WRAP73: variants seen among roughly 807,000 people sequenced by gnomAD.
WRAP73 encodes WD repeat containing, antisense to TP73.
In WRAP73, 55 loss-of-function variants were observed where a neutral mutation model predicts 59.6. The observed-to-expected ratio is 0.92, with a 90% CI of 0.74 to 1.15. The LOEUF is 1.15. Ranked by LOEUF, WRAP73 falls within the 50% of genes most tolerant of loss-of-function variation. The probability of loss-of-function intolerance (pLI) is 0.00; values close to 1 mark genes in which losing one functional copy is unlikely to be tolerated. For missense variants in WRAP73, 592 were observed against 608.1 expected (o/e 0.97, Z 0.28); for synonymous variants, 265 against 258.2 (o/e 1.03, Z -0.25).
chr1:3,634,466 G>A (rs111683604), intron 8 of WRAP73: 5 of 172,388 alleles, frequency 2.9e-5, no homozygotes, highest in South Asian at 1.3e-4. Flanking sequence ...GGCCTGGAAC[G>A]CTCCCTCCCC....
At chr1:3,645,204 G>A (rs1005749453) in intron 3 of WRAP73, among the ~76,000 whole-genome samples, 2 of 152,244 alleles carry the variant, frequency 1.3e-5, no homozygotes, top group Non-Finnish European at 2.9e-5. Flanking sequence ...CTTTATCCCA[G>A]CCGATGCCAG....
Position 3,635,074 on chromosome 1 carries a change from C to A in WRAP73, c.739G>T (p.Val247Leu). The change falls in exon 8 of 12, where the codon GTG (valine) becomes TTG (leucine). Residue 247 changes from valine (V) to leucine (L), a missense_variant and splice_region_variant. Val to Leu is a conservative substitution (Grantham distance 32). Coordinates refer to ENST00000270708, the MANE Select transcript of WRAP73 (RefSeq NM_017818.4). ...FLAVGSYDGK[V>L]RILNHVTWKM... ...CAAGTCACGTGATTAAGGATGCGCA[C>A]CTGAGGAAGGAAACCATGCACAGGT... 6.2e-7 allele frequency: 1 copy of A among 1,614,190 alleles called. No homozygotes were observed. The highest frequency in any genetic ancestry group is 8.5e-7 in the Non-Finnish European group (1 of 1,180,044).
Position 3,630,910 on chromosome 1 carries a change from C to T in WRAP73, c.*65G>A. On this transcript the variant is annotated 3_prime_UTR_variant, in exon 12 of 12. Coordinates refer to ENST00000270708, the MANE Select transcript of WRAP73 (RefSeq NM_017818.4). The stretch of plus-strand genomic sequence containing the variant: ...CACAGTGGAGAACCTCCTGGTGAAG[C>T]TGTGTTTTTTCCCACACTGGAAACA... 1 of 1,559,932 alleles carries T rather than the reference C, an allele frequency of 6.4e-7. No homozygotes were observed. The highest frequency in any genetic ancestry group is 8.7e-7 in the Non-Finnish European group (1 of 1,149,798).
At position 3,632,083 on chromosome 1, in the gene WRAP73, T is replaced by A. The variant is rs896598241; in HGVS notation, c.1048+130A>T. ...AAGGAGCTTCTGTGAGCACCTCGGC[T>A]ACTGCAGAAACGTGAAAGGAGGTGA... On this transcript the variant is annotated intron_variant, in intron 10 of 11. Coordinates refer to ENST00000270708, the MANE Select transcript of WRAP73 (RefSeq NM_017818.4). The A allele has an allele frequency of 1.1e-5, 17 of 1,499,912 alleles. 1 individual carries two copies. The highest frequency in any genetic ancestry group is 6.9e-5 in the East Asian group (3 of 43,782). The allele number at this position is 1,499,912 out of a possible 1,614,324, so 92.9% of individuals were successfully genotyped here.
In WRAP73 at chr1:3,635,724, G is replaced by T; in HGVS notation, c.603+220C>A. On this transcript the variant is annotated intron_variant, in intron 6 of 11. Coordinates refer to ENST00000270708, the MANE Select transcript of WRAP73 (RefSeq NM_017818.4). Reference sequence around the variant, plus strand: ...TGGTCCCAGCTACTTGGGAGGCTGAGGTAGGAGGATCACTTGAGTCCAGGA... The same window carrying T: ...TGGTCCCAGCTACTTGGGAGGCTGATGTAGGAGGATCACTTGAGTCCAGGA... The T allele has an allele frequency of 5.5e-6, 3 of 542,640 alleles. No individual in the cohort carries two copies. In the South Asian group the frequency reaches 6.6e-5, roughly 12 times the overall value. The allele number at this position is 542,640 out of a possible 1,614,324, so 33.6% of individuals were successfully genotyped here.
intron 3 of WRAP73, 178 bp from the exon 4 acceptor site, chr1:3,639,000 G>A (rs1290958614): frequency 3.3e-6 from 2 of 606,830 alleles, no homozygotes; most frequent in East Asian, 3.0e-5. Context: ...TTTTACTGTG[G>A]TTACGGTAAA....
Position 3,646,946 on chromosome 1 carries a change from CA to C in WRAP73, c.223-165del, listed in dbSNP as rs1466477415. On this transcript the variant is annotated intron_variant, in intron 2 of 11. Transcript: ENST00000270708. This position sits in a 1 kb window ranked among gnomAD's most constrained non-coding sequence, Gnocchi z 5.1. Reference sequence around the variant, plus strand: ...CGCCGAGAGACAACTCCCTTAAAACCAGCAGAGACCCGATCACACAGGGTGT... The same window carrying C: ...CGCCGAGAGACAACTCCCTTAAAACCGCAGAGACCCGATCACACAGGGTGT... 4.0e-5 allele frequency among the ~76,000 whole-genome samples: 4 copies of C among 100,356 alleles called. No individual in the cohort carries two copies. The highest frequency in any genetic ancestry group is 9.4e-5 in the Admixed American group (1 of 10,636). The allele number at this position is 100,356 out of a possible 152,430, so 65.8% of individuals were successfully genotyped here.
chr1:3,649,192 A>G (rs964958240), intron 1 of WRAP73, among the ~76,000 whole-genome samples: 22 of 152,242 alleles, frequency 1.4e-4, no homozygotes, highest in African/African-American at 5.3e-4. Flanking sequence ...GCATCCAGGT[A>G]CATACACTAT....
At chr1:3,641,632 C>T (rs138394791) in intron 3 of WRAP73, among the ~76,000 whole-genome samples, 85 of 152,348 alleles carry the variant, frequency 5.6e-4, no homozygotes, top group African/African-American at 1.5e-3. Flanking sequence ...GAGCCCCATG[C>T]CACGGGCGAA....
At chr1:3,632,016 C>T (rs1312153567) in intron 10 of WRAP73, 197 bp downstream of exon 10, 31 of 1,462,276 alleles carry the variant, frequency 2.1e-5, no homozygotes, top group Middle Eastern at 2.6e-4. Context: ...CTGACTCATG[C>T]GCGGACCTGC....
At position 3,646,840 on chromosome 1, in the gene WRAP73, C is replaced by T. The variant is rs201461801; in HGVS notation, c.223-58G>A. On this transcript the variant is annotated intron_variant, in intron 2 of 11. Coordinates refer to ENST00000270708, the MANE Select transcript of WRAP73 (RefSeq NM_017818.4). The surrounding 1 kb of genome is among the most constrained non-coding windows in gnomAD (Gnocchi z 5.1). ...CAAACTCATCAGCACCGAGAGACAG[C>T]GAGGACAGCTCGCTTAAACGCAGCG... The T allele has an allele frequency of 4.7e-6, 7 of 1,481,248 alleles. No homozygotes were observed. Among genetic ancestry groups the T allele is most frequent in the African/African-American group, 2.8e-5 (2 of 71,120 alleles). The allele number at this position is 1,481,248 out of a possible 1,614,324, so 91.8% of individuals were successfully genotyped here.
At chr1:3,644,383 G>A (rs868022920) in intron 3 of WRAP73, among the ~76,000 whole-genome samples, 41 of 106,672 alleles carry the variant, frequency 3.8e-4, no homozygotes, top group Non-Finnish European at 4.9e-4. Context: ...TGGCCCCGCT[G>A]AGCCCCGGAC....
At chr1:3,635,435 A>T in intron 6 of WRAP73, 141 bp from the exon 7 acceptor site, 1 of 1,130,478 alleles carries the variant, frequency 8.8e-7, no homozygotes, top group Non-Finnish European at 1.3e-6. Flanking sequence ...AAAAGCTGGA[A>T]CTGCCAGCTA....
intron 3 of WRAP73, among the ~76,000 whole-genome samples, chr1:3,645,898 C>A (rs1292720613): frequency 6.6e-6 from 1 of 152,080 alleles, no homozygotes; most frequent in East Asian, 1.9e-4. Flanking sequence ...AGGCCAGGCT[C>A]CTGAAGGAAA....
chr1:3,645,548 G>A (rs1381755678), intron 3 of WRAP73, among the ~76,000 whole-genome samples: 1 of 151,928 alleles, frequency 6.6e-6, no homozygotes, highest in Non-Finnish European at 1.5e-5. Context: ...CAGCGGGATG[G>A]GCGGGTTACC....
intron 3 of WRAP73, among the ~76,000 whole-genome samples, chr1:3,642,670 T>C (rs1644657152): frequency 6.8e-6 from 1 of 146,166 alleles, no homozygotes; most frequent in Non-Finnish European, 1.5e-5. Context: ...CTGGGAGGCG[T>C]AGGTTGCGGT....
chr1:3,631,449 C>A lies in WRAP73; in HGVS notation c.1240+17G>T. 6.4e-7 allele frequency: 1 copy of A among 1,574,584 alleles called. No individual in the cohort carries two copies. The highest frequency in any genetic ancestry group is 8.6e-7 in the Non-Finnish European group (1 of 1,159,274). ...ACAGCAAGGCTGCCACGTCCGTGGC[C>A]TCGGGGATGTGCTTACCTTCCCCAG... On this transcript the variant is annotated intron_variant, in intron 11 of 11. Coordinates refer to ENST00000270708, the MANE Select transcript of WRAP73 (RefSeq NM_017818.4).
intron 3 of WRAP73, among the ~76,000 whole-genome samples, chr1:3,645,503 CG>C (rs1412732467): frequency 6.7e-6 from 1 of 148,550 alleles, no homozygotes; most frequent in Non-Finnish European, 1.5e-5. Flanking sequence ...CGCGGCGCAG[CG>C]GGATGGGCGG....
intron 5 of WRAP73, chr1:3,636,707 C>T (rs962432369): frequency 8.9e-6 from 4 of 448,234 alleles, no homozygotes; most frequent in Admixed American, 3.0e-5. Flanking sequence ...CAACTCCCGA[C>T]GTGGCACACA....
Sources: allele counts gnomAD v4.1 joint callset (sites outside exome capture counted in the v4.1 genomes callset), GRCh38; gene constraint gnomAD v4.1.1; non-coding constraint Gnocchi (gnomAD v3.1); transcripts MANE v1.5; gene names NCBI Gene and HGNC (gene_info 2026-07-23, HGNC 2026-07-21).